LMAN2: variants seen among roughly 807,000 people sequenced by gnomAD.
LMAN2 encodes lectin, mannose binding 2, also known as vesicular integral-membrane protein VIP36.
LMAN2 carries 22 observed loss-of-function variants against 39.3 expected under a neutral mutation model. That is an observed-to-expected ratio of 0.56 (90% CI 0.40 to 0.80). The LOEUF (loss-of-function observed/expected upper bound fraction) is 0.80. LMAN2 is among the 30% of genes least tolerant of loss of function. The pLI is 0.00. For synonymous variants in LMAN2, 207 were observed against 207.8 expected (o/e 1.00, Z 0.03); for missense variants, 494 against 505.4 (o/e 0.98, Z 0.22).
At position 177,337,023 on chromosome 5, in the gene LMAN2, A is replaced by G. The variant is rs1761483925; in HGVS notation, c.790+113T>C. 1.3e-6 allele frequency: 1 copy of G among 745,938 alleles called. No homozygotes were observed. The highest frequency in any genetic ancestry group is 2.3e-6 in the Non-Finnish European group (1 of 441,194). The allele number at this position is 745,938 out of a possible 1,614,324, so 46.2% of individuals were successfully genotyped here. A position where few individuals can be genotyped will look rare whatever the true frequency, so the allele number is the denominator to read the frequency against. On this transcript the variant is annotated intron_variant, in intron 6 of 7. Coordinates refer to ENST00000303127, the MANE Select transcript of LMAN2 (RefSeq NM_006816.3). The surrounding 1 kb of genome is among the most constrained non-coding windows in gnomAD (Gnocchi z 8.2). ...TACAGAAGAAAGGAGGAGGAGGAAC[A>G]CAGCCAGGTGAGCTCAGAAACCACA...
rs780393128 is a variant in LMAN2 at position 177,332,116 on chromosome 5, CT to C, written c.1040del (p.Lys347SerfsTer40). 6.8e-6 allele frequency: 11 copies of C among 1,613,530 alleles called. No homozygotes were observed. Among genetic ancestry groups the C allele is most frequent in the Non-Finnish European group, 9.3e-6 (11 of 1,179,886 alleles). ...CAVVGAVVFQ[K>X]RQERNKRFY ...AGAAGCGCTTGTTCCGCTCCTGCCG[CT>C]TCTGGAACACCACGGCCCCCACCAC... On this transcript the variant is annotated frameshift_variant, in exon 8 of 8. Coordinates refer to ENST00000303127, the MANE Select transcript of LMAN2 (RefSeq NM_006816.3). LOFTEE classifies it high-confidence loss of function. This position sits in a 1 kb window ranked among gnomAD's most constrained non-coding sequence, Gnocchi z 6.3.
intron 2 of LMAN2, among the ~76,000 whole-genome samples, chr5:177,340,901 C>T (rs1279017312): frequency 6.7e-6 from 1 of 149,806 alleles, no homozygotes; most frequent in Non-Finnish European, 1.5e-5. Context: ...ACTACAGGCG[C>T]CCGCCACCAC....
intron 2 of LMAN2, among the ~76,000 whole-genome samples, chr5:177,339,817 T>C (rs540111579): frequency 6.6e-6 from 1 of 152,332 alleles, no homozygotes; most frequent in Non-Finnish European, 1.5e-5. Flanking sequence ...AACATATTAC[T>C]TCTGTGATCA....
chr5:177,340,689 G>T (rs1761537162), intron 2 of LMAN2, among the ~76,000 whole-genome samples: 1 of 151,970 alleles, frequency 6.6e-6, no homozygotes, highest in Non-Finnish European at 1.5e-5. Context: ...AGAACTGCTT[G>T]AATCTGGGAG....
Position 177,336,189 on chromosome 5 carries a change from G to A in LMAN2, c.790+947C>T, listed in dbSNP as rs375668402. 1.1e-3 allele frequency among the ~76,000 whole-genome samples: 174 copies of A among 152,304 alleles called. 1 individual carries two copies. The South Asian group carries it at 0.012, about 11-fold the overall frequency. Reference sequence around the variant, plus strand: ...ACATTCCACGAGGGCATCAGGGAAGGCCGCACTGAGGAGGTAACATCTGAG... The same window carrying A: ...ACATTCCACGAGGGCATCAGGGAAGACCGCACTGAGGAGGTAACATCTGAG... On this transcript the variant is annotated intron_variant, in intron 6 of 7. Coordinates refer to ENST00000303127, the MANE Select transcript of LMAN2 (RefSeq NM_006816.3).
intron 2 of LMAN2, among the ~76,000 whole-genome samples, chr5:177,340,017 G>A (rs1398945607): frequency 1.3e-5 from 2 of 151,954 alleles, no homozygotes; most frequent in East Asian, 1.9e-4. Flanking sequence ...AGTGAGAGAG[G>A]CTAAGACTCA....
intron 2 of LMAN2, among the ~76,000 whole-genome samples, chr5:177,345,862 G>A (rs2127318972): frequency 6.6e-6 from 1 of 152,124 alleles, no homozygotes; most frequent in Admixed American, 6.6e-5. Flanking sequence ...CTGCCTCCCA[G>A]GTTCAAGCAA....
intron 6 of LMAN2, chr5:177,336,783 C>T: frequency 2.6e-6 from 1 of 389,616 alleles, no homozygotes. Flanking sequence ...TGACCCGCTG[C>T]CTCCTGTTGA....
At chr5:177,350,980 T>G (rs928849519) in intron 2 of LMAN2, among the ~76,000 whole-genome samples, 193 bp downstream of exon 2, 1 of 152,146 alleles carries the variant, frequency 6.6e-6, no homozygotes, top group African/African-American at 2.4e-5. Flanking sequence ...ATGTAAAGTG[T>G]CAAGCGCAGC....
intron 2 of LMAN2, among the ~76,000 whole-genome samples, chr5:177,340,881 A>G (rs536257193): frequency 6.6e-6 from 1 of 151,436 alleles, no homozygotes; most frequent in African/African-American, 2.4e-5. Flanking sequence ...CAGCCTCCCC[A>G]GTAGTTGGGA....
chr5:177,351,620 A>G lies in LMAN2; in HGVS notation c.28T>C (p.Trp10Arg). 1 of 1,600,446 alleles carries G rather than the reference A, an allele frequency of 6.2e-7. No homozygotes were observed. The highest frequency in any genetic ancestry group is 2.2e-5 in the East Asian group (1 of 44,762). Reference sequence around the variant, plus strand: ...CCCAGGCACCGCCGGCCCCAGCCCCAACGCCAAATCCAGCCTTCCGCCGCC... The same window carrying G: ...CCCAGGCACCGCCGGCCCCAGCCCCGACGCCAAATCCAGCCTTCCGCCGCC... MAAEGWIWR[W>R]GWGRRCLGRP... The change falls in exon 1 of 8, where the codon TGG becomes CGG. Residue 10 changes from tryptophan to arginine, a missense_variant. Transcript: ENST00000303127.
At chr5:177,342,760 A>ACAC (rs1312691353) in intron 2 of LMAN2, among the ~76,000 whole-genome samples, 1 of 152,050 alleles carries the variant, frequency 6.6e-6, no homozygotes, top group Non-Finnish European at 1.5e-5. Flanking sequence ...AATGTTCATG[A>ACAC]CACTGGATTT....
In LMAN2 at chr5:177,344,281, CTTT is replaced by C. The variant is rs59101629; in HGVS notation, c.316-5679_316-5677del. Among the ~76,000 whole-genome samples the C allele has an allele frequency of 4.2e-3, 349 of 82,336 alleles. 1 individual carries two copies. The highest frequency in any genetic ancestry group is 0.016 in the African/African-American group (318 of 19,384). The allele number at this position is 82,336 out of a possible 152,430, so 54.0% of individuals were successfully genotyped here. A position where few individuals can be genotyped will look rare whatever the true frequency, so the allele number is the denominator to read the frequency against. On this transcript the variant is annotated intron_variant, in intron 2 of 7. Coordinates refer to ENST00000303127, the MANE Select transcript of LMAN2 (RefSeq NM_006816.3). ...CTGGTTAAAATGGTACGCTTTGTTA[CTTT>C]TTTTTTTTTTTTTTTTTTTGAGACA...
intron 2 of LMAN2, among the ~76,000 whole-genome samples, chr5:177,350,324 G>A (rs149389229): frequency 0.02 from 3,015 of 152,314 alleles, 46 homozygotes; most frequent in African/African-American, 0.042. Flanking sequence ...TAGGCAAGCT[G>A]GGGCAGGAGC....
intron 2 of LMAN2, chr5:177,346,330 C>A: frequency 2.6e-6 from 1 of 384,010 alleles, no homozygotes; most frequent in Non-Finnish European, 4.6e-6. Context: ...CCACAAGTGG[C>A]TCACTGACCT....
In LMAN2 at chr5:177,344,980, C is replaced by T. The variant is rs145445066; in HGVS notation, c.315+6193G>A. ...AAGGAAGAAAGATTTGAGAAATTTTCTTGCATGTGCAGATGTGTACGTACA... is the reference window on the plus strand; with the variant it reads ...AAGGAAGAAAGATTTGAGAAATTTTTTTGCATGTGCAGATGTGTACGTACA... On this transcript the variant is annotated intron_variant, in intron 2 of 7. Transcript: ENST00000303127. Among the ~76,000 whole-genome samples the T allele has an allele frequency of 5.0e-3, 768 of 152,084 alleles. 5 individuals carry two copies. The highest frequency in any genetic ancestry group is 0.017 in the African/African-American group (710 of 41,480).
chr5:177,336,807 C>T (rs1761479637), intron 6 of LMAN2: 1 of 423,436 alleles, frequency 2.4e-6, no homozygotes, highest in East Asian at 5.3e-5. Context: ...GGAAGGTTGC[C>T]AAGGGACCGT....
At chr5:177,334,882 CCA>C (rs1761446334) in intron 6 of LMAN2, among the ~76,000 whole-genome samples, 1 of 152,212 alleles carries the variant, frequency 6.6e-6, no homozygotes, top group Non-Finnish European at 1.5e-5. Context: ...GACATTCTTG[CCA>C]CAGAGACCCA....
intron 2 of LMAN2, among the ~76,000 whole-genome samples, chr5:177,344,576 A>G (rs949242093): frequency 1.0e-4 from 15 of 149,570 alleles, no homozygotes; most frequent in African/African-American, 3.4e-4. Context: ...CACCGCGCCC[A>G]GCCTGTGTTA....
Sources: allele counts gnomAD v4.1 joint callset (sites outside exome capture counted in the v4.1 genomes callset), GRCh38; gene constraint gnomAD v4.1.1; non-coding constraint Gnocchi (gnomAD v3.1); transcripts MANE v1.5; gene names NCBI Gene and HGNC (gene_info 2026-07-23, HGNC 2026-07-21).